The following TRPM3 variants were observed in gnomAD, a reference collection of about 807,000 sequenced individuals.
TRPM3 encodes the protein transient receptor potential cation channel subfamily M member 3.
Under a neutral mutation model 181.2 loss-of-function variants are expected in TRPM3, and 77 were observed. The observed-to-expected ratio is 0.42, with a 90% CI of 0.35 to 0.51. The LOEUF (loss-of-function observed/expected upper bound fraction) is 0.51. Among genes scored for constraint, TRPM3 ranks in the 20% least tolerant of loss-of-function variants. The pLI is 0.01. For synonymous variants in TRPM3, 745 were observed against 796.4 expected (o/e 0.94, Z 1.09); for missense variants, 1,759 against 2,196.7 (o/e 0.80, Z 3.98).
rs1022428389 is a variant in TRPM3 at position 70,535,738 on chromosome 9, T to A, written c.*215A>T. On this transcript the variant is annotated 3_prime_UTR_variant, in exon 26 of 26. Coordinates refer to ENST00000677713, the MANE Select transcript of TRPM3 (RefSeq NM_001366145.2). Reference sequence around the variant, plus strand: ...CCTCCCTGCCCAGCAAGTGTGAACATGCCTTAAATCCCCTGTGTCTGGCAC... The same window carrying A: ...CCTCCCTGCCCAGCAAGTGTGAACAAGCCTTAAATCCCCTGTGTCTGGCAC... 4.8e-6 allele frequency: 7 copies of A among 1,445,336 alleles called. No homozygotes were observed. The Admixed American group carries it at 2.0e-4, about 42-fold the overall frequency. The allele number at this position is 1,445,336 out of a possible 1,614,324, so 89.5% of individuals were successfully genotyped here.
chr9:70,739,513 G>A (rs894006641), intron 8 of TRPM3, among the ~76,000 whole-genome samples: 7 of 152,114 alleles, frequency 4.6e-5, no homozygotes, highest in African/African-American at 1.7e-4. Flanking sequence ...CAAACACACA[G>A]CCAACATAAT....
At chr9:71,331,542 G>C in intron 1 of TRPM3, among the ~76,000 whole-genome samples, 1 of 151,408 alleles carries the variant, frequency 6.6e-6, no homozygotes, top group Non-Finnish European at 1.5e-5. Flanking sequence ...CTTGCAAGAA[G>C]AACCCCAATA....
chr9:70,763,614 T>C (rs2078562771), intron 7 of TRPM3, among the ~76,000 whole-genome samples: 1 of 152,224 alleles, frequency 6.6e-6, no homozygotes, highest in Non-Finnish European at 1.5e-5. Context: ...GTGGACCAGA[T>C]TGAAATCATT....
At chr9:71,184,192 G>C (rs575329064) in intron 1 of TRPM3, among the ~76,000 whole-genome samples, 1 of 152,052 alleles carries the variant, frequency 6.6e-6, no homozygotes, top group Admixed American at 6.6e-5. Flanking sequence ...ATGAGATATT[G>C]CTATTACCTA....
Position 71,349,131 on chromosome 9 carries a change from A to G in TRPM3, c.183+97522T>C, listed in dbSNP as rs369295515. ...ATTCTTCTGAAGATTGCCTGCTCCA[A>G]TGGTAATTCAGATTAGAAAATAAGA... On this transcript the variant is annotated intron_variant, in intron 1 of 24. Coordinates refer to the TRPM3 transcript ENST00000357533. Among the ~76,000 whole-genome samples, 7 of 152,190 alleles carry G rather than the reference A, an allele frequency of 4.6e-5. No homozygotes were observed. In the East Asian group the frequency reaches 5.8e-4, roughly 13 times the overall value.
At chr9:71,412,417 A>C (rs1454905779) in intron 1 of TRPM3, among the ~76,000 whole-genome samples, 1 of 152,200 alleles carries the variant, frequency 6.6e-6, no homozygotes, top group African/African-American at 2.4e-5. Context: ...AAAATCAAAC[A>C]ACCTCATCAA....
chr9:70,876,285 A>T (rs2095868030), intron 1 of TRPM3, among the ~76,000 whole-genome samples: 1 of 148,282 alleles, frequency 6.7e-6, no homozygotes, highest in Non-Finnish European at 1.5e-5. Flanking sequence ...ACATACACAC[A>T]CACATATATA....
intron 1 of TRPM3, among the ~76,000 whole-genome samples, chr9:71,049,660 T>G (rs1259852322): frequency 6.6e-6 from 1 of 152,150 alleles, no homozygotes; most frequent in Non-Finnish European, 1.5e-5. Context: ...TGGAAGCAAT[T>G]GACACTTGGC....
At chr9:71,107,584 T>A (rs879253403) in intron 1 of TRPM3, among the ~76,000 whole-genome samples, 1 of 152,188 alleles carries the variant, frequency 6.6e-6, no homozygotes, top group Non-Finnish European at 1.5e-5. Context: ...CACTTAGCAA[T>A]AGATGATTGT....
chr9:71,415,610 T>C (rs1272640634), intron 1 of TRPM3, among the ~76,000 whole-genome samples: 5 of 152,004 alleles, frequency 3.3e-5, no homozygotes, highest in Admixed American at 3.3e-4. Context: ...CTTTGATAAA[T>C]TATAAATCTC....
chr9:71,150,089 A>T (rs1340787146), intron 1 of TRPM3, among the ~76,000 whole-genome samples: 1 of 152,180 alleles, frequency 6.6e-6, no homozygotes, highest in Admixed American at 6.6e-5. Flanking sequence ...AATAACTGAA[A>T]AAGTTAAAAA....
At chr9:70,884,499 AAG>A (rs1172417491) in intron 1 of TRPM3, among the ~76,000 whole-genome samples, 1 of 152,214 alleles carries the variant, frequency 6.6e-6, no homozygotes, top group African/African-American at 2.4e-5. Context: ...GCATGGGGCA[AAG>A]TGTGCGTGTG....
intron 8 of TRPM3, among the ~76,000 whole-genome samples, chr9:70,686,296 T>C (rs1182096738): frequency 6.6e-6 from 1 of 152,206 alleles, no homozygotes; most frequent in African/African-American, 2.4e-5. Context: ...TTAGCCAGTC[T>C]TCCGCTAATG....
At chr9:71,049,079 C>T (rs565722013) in intron 1 of TRPM3, among the ~76,000 whole-genome samples, 8 of 152,256 alleles carry the variant, frequency 5.3e-5, no homozygotes, top group African/African-American at 1.9e-4. Flanking sequence ...AATGACTCCT[C>T]CCCCAGAGAA....
intron 1 of TRPM3, among the ~76,000 whole-genome samples, chr9:70,871,043 G>A (rs1030397875): frequency 1.3e-5 from 2 of 151,856 alleles, no homozygotes; most frequent in Non-Finnish European, 2.9e-5. Flanking sequence ...TAAGTAAAAA[G>A]ATAGAGGGAT....
At chr9:71,372,507 G>A (rs2092547483) in intron 1 of TRPM3, among the ~76,000 whole-genome samples, 1 of 151,910 alleles carries the variant, frequency 6.6e-6, no homozygotes, top group Non-Finnish European at 1.5e-5. Context: ...TTTGGCTTTT[G>A]GTTGTTGTTG....
At chr9:70,984,789 T>C (rs1478370462) in intron 1 of TRPM3, among the ~76,000 whole-genome samples, 1 of 152,208 alleles carries the variant, frequency 6.6e-6, no homozygotes, top group Non-Finnish European at 1.5e-5. Context: ...CAAGACTCTT[T>C]TTGTGTTTTT....
intron 1 of TRPM3, among the ~76,000 whole-genome samples, chr9:71,085,069 C>T (rs1489623444): frequency 6.6e-6 from 1 of 152,010 alleles, no homozygotes; most frequent in Non-Finnish European, 1.5e-5. Context: ...AGATAACTGG[C>T]CAGCCATACG....
At chr9:71,319,762 ACTACT>A (rs981214712) in intron 1 of TRPM3, among the ~76,000 whole-genome samples, 1 of 152,022 alleles carries the variant, frequency 6.6e-6, no homozygotes, top group Non-Finnish European at 1.5e-5. Flanking sequence ...CAGAAATCCC[ACTACT>A]TTGGCAACAA....
Sources: allele counts gnomAD v4.1 joint callset (sites outside exome capture counted in the v4.1 genomes callset), GRCh38; gene constraint gnomAD v4.1.1; transcripts MANE v1.5; gene names NCBI Gene and HGNC (gene_info 2026-07-23, HGNC 2026-07-21).